The following CNTNAP2 variants were observed in gnomAD, a reference collection of about 807,000 sequenced individuals.
CNTNAP2 encodes contactin-associated protein-like 2.
Under a neutral mutation model 155.2 loss-of-function variants are expected in CNTNAP2, and 98 were observed. The observed-to-expected ratio is 0.63, with a 90% CI of 0.54 to 0.75. CNTNAP2 has a LOEUF of 0.75. CNTNAP2 is among the 30% of genes least tolerant of loss of function. The pLI, the probability that CNTNAP2 is intolerant of heterozygous loss-of-function variation, is 0.00. For missense variants in CNTNAP2, 1,727 were observed against 1,688.1 expected, an observed-to-expected ratio of 1.02 and a Z score of -0.40; for synonymous variants, 651 against 631.2, an observed-to-expected ratio of 1.03 and a Z score of -0.47.
At chr7:146,944,724 A>T (rs1423275985) in intron 3 of CNTNAP2, among the ~76,000 whole-genome samples, 1 of 152,018 alleles carries the variant, frequency 6.6e-6, no homozygotes, top group Non-Finnish European at 1.5e-5. Flanking sequence ...TAAAAATATA[A>T]AAAAATTGCT....
At chr7:146,915,065 TA>T (rs1796366972) in intron 3 of CNTNAP2, among the ~76,000 whole-genome samples, 1 of 152,164 alleles carries the variant, frequency 6.6e-6, no homozygotes, top group Non-Finnish European at 1.5e-5. Flanking sequence ...CACCATTTGT[TA>T]AATAGGGTAT....
chr7:146,725,978 A>G (rs1801425142), intron 1 of CNTNAP2, among the ~76,000 whole-genome samples: 1 of 152,176 alleles, frequency 6.6e-6, no homozygotes, highest in Non-Finnish European at 1.5e-5. Flanking sequence ...CTGTCTTGAT[A>G]AATTGGCTCT....
In CNTNAP2 at chr7:146,173,368, T is replaced by G. The variant is rs58824100; in HGVS notation, c.97+56395T>G. On this transcript the variant is annotated intron_variant, in intron 1 of 23. Coordinates refer to ENST00000361727, the MANE Select transcript of CNTNAP2 (RefSeq NM_014141.6). ...CTCCAGGTGTTTTTAATAATTGAAT[T>G]TTCCAGTTTGTTTGCTGTAAACATT... is the stretch of plus-strand genomic sequence containing the variant. Among the ~76,000 whole-genome samples, 796 of 152,288 alleles carry G rather than the reference T, an allele frequency of 5.2e-3. 6 individuals carry two copies. Among genetic ancestry groups the G allele is most frequent in the African/African-American group, 0.018 (753 of 41,562 alleles).
intron 13 of CNTNAP2, among the ~76,000 whole-genome samples, chr7:147,872,317 A>G (rs1193153230): frequency 2.6e-5 from 4 of 152,240 alleles, no homozygotes; most frequent in Admixed American, 1.3e-4. Context: ...ACAAGCACCA[A>G]TTTCAGGGAA....
intron 11 of CNTNAP2, among the ~76,000 whole-genome samples, chr7:147,493,847 G>T (rs1273975743): frequency 6.6e-6 from 1 of 152,138 alleles, no homozygotes; most frequent in South Asian, 2.1e-4. Context: ...TATATTCAGA[G>T]GATTTGTTTG....
At chr7:146,244,728 A>G (rs1308344058) in intron 1 of CNTNAP2, among the ~76,000 whole-genome samples, 2 of 152,128 alleles carry the variant, frequency 1.3e-5, no homozygotes, top group Non-Finnish European at 2.9e-5. Flanking sequence ...CAGACTGTAT[A>G]GAGGTGGGAA....
intron 1 of CNTNAP2, among the ~76,000 whole-genome samples, chr7:146,723,140 T>A (rs1298522658): frequency 6.6e-6 from 1 of 152,286 alleles, no homozygotes; most frequent in African/African-American, 2.4e-5. Context: ...GGGTAGGCAC[T>A]AATTTAAGTT....
intron 11 of CNTNAP2, among the ~76,000 whole-genome samples, chr7:147,548,339 C>T (rs1394551616): frequency 1.3e-5 from 2 of 152,186 alleles, no homozygotes; most frequent in Non-Finnish European, 2.9e-5. Flanking sequence ...TTTAGATTTG[C>T]ATTTCTCTGA....
intron 9 of CNTNAP2, among the ~76,000 whole-genome samples, chr7:147,316,278 A>G (rs1795232157): frequency 6.6e-6 from 1 of 152,120 alleles, no homozygotes; most frequent in African/African-American, 2.4e-5. Context: ...GTAGGAAAAA[A>G]ACAAATGTCT....
intron 13 of CNTNAP2, among the ~76,000 whole-genome samples, chr7:147,728,012 C>A (rs974965975): frequency 6.6e-6 from 1 of 151,966 alleles, no homozygotes; most frequent in African/African-American, 2.4e-5. Flanking sequence ...AATGAGACCA[C>A]AAATCTTATT....
intron 8 of CNTNAP2, among the ~76,000 whole-genome samples, chr7:147,239,756 T>A (rs1803897567): frequency 6.6e-6 from 1 of 152,188 alleles, no homozygotes; most frequent in Non-Finnish European, 1.5e-5. Context: ...AACATGATTT[T>A]CCATGAATCT....
At position 148,299,313 on chromosome 7, in the gene CNTNAP2, A is replaced by G. The variant is rs192583164; in HGVS notation, c.3475+32187A>G. On this transcript the variant is annotated intron_variant, in intron 21 of 23. Coordinates refer to ENST00000361727, the MANE Select transcript of CNTNAP2 (RefSeq NM_014141.6). Reference sequence around the variant, plus strand: ...CCCCAACTTTTTAAAAATATTTTTTAAAGAATGAGTAGAAGTAGCCAGGTG... The same window carrying G: ...CCCCAACTTTTTAAAAATATTTTTTGAAGAATGAGTAGAAGTAGCCAGGTG... 1.4e-4 allele frequency among the ~76,000 whole-genome samples: 22 copies of G among 152,314 alleles called. No individual in the cohort carries two copies. In the East Asian group the frequency reaches 3.7e-3, roughly 25 times the overall value.
chr7:146,705,651 G>A (rs957504096), intron 1 of CNTNAP2, among the ~76,000 whole-genome samples: 5 of 152,030 alleles, frequency 3.3e-5, no homozygotes, highest in East Asian at 3.9e-4. Flanking sequence ...CAATCATGGC[G>A]GAAGACAAAG....
At chr7:146,798,326 A>G (rs1802808591) in intron 2 of CNTNAP2, among the ~76,000 whole-genome samples, 1 of 152,072 alleles carries the variant, frequency 6.6e-6, no homozygotes, top group South Asian at 2.1e-4. Flanking sequence ...AACAGACACA[A>G]TCTGACATAA....
chr7:146,256,866 G>A (rs1457419938), intron 1 of CNTNAP2, among the ~76,000 whole-genome samples: 1 of 152,044 alleles, frequency 6.6e-6, no homozygotes, highest in African/African-American at 2.4e-5. Context: ...AAACTTGGAG[G>A]TTTTTATTTT....
intron 21 of CNTNAP2, among the ~76,000 whole-genome samples, chr7:148,371,730 C>CACTT (rs1319408336): frequency 6.6e-6 from 1 of 152,142 alleles, no homozygotes; most frequent in Non-Finnish European, 1.5e-5. Flanking sequence ...CCACAGAGTG[C>CACTT]ACTTACACAA....
At chr7:146,391,443 G>A (rs557126221) in intron 1 of CNTNAP2, among the ~76,000 whole-genome samples, 8 of 152,074 alleles carry the variant, frequency 5.3e-5, no homozygotes, top group African/African-American at 1.9e-4. Context: ...TTTTTTGTGG[G>A]TTTATATTAT....
At chr7:147,072,726 G>A (rs1316907609) in intron 4 of CNTNAP2, among the ~76,000 whole-genome samples, 1 of 152,156 alleles carries the variant, frequency 6.6e-6, no homozygotes, top group Admixed American at 6.5e-5. Flanking sequence ...GCAATACCAT[G>A]CAGGTATGGA....
intron 12 of CNTNAP2, among the ~76,000 whole-genome samples, chr7:147,574,352 C>T (rs971794595): frequency 1.3e-4 from 19 of 151,866 alleles, no homozygotes; most frequent in African/African-American, 2.2e-4. Flanking sequence ...TTTATTATTA[C>T]GAGTGGGAGG....
Sources: gnomAD v4.1 joint callset for allele counts (sites outside exome capture counted in the v4.1 genomes callset) on GRCh38, gnomAD v4.1.1 for gene constraint, MANE v1.5 for transcripts, NCBI Gene and HGNC (gene_info 2026-07-23, HGNC 2026-07-21) for gene names.